The following CLIP1 variants were observed in gnomAD, a reference collection of about 807,000 sequenced individuals.
CLIP1 encodes CAP-Gly domain-containing linker protein 1.
Under a neutral mutation model 161.6 loss-of-function variants are expected in CLIP1, and 66 were observed. That is an observed-to-expected ratio of 0.41 (90% CI 0.33 to 0.50). CLIP1 has a LOEUF of 0.50. Among genes scored for constraint, CLIP1 ranks in the 20% least tolerant of loss-of-function variants. CLIP1 has a pLI of 0.27. For missense variants in CLIP1, 1,376 were observed against 1,702.0 expected (o/e 0.81, Z 3.37); for synonymous variants, 598 against 626.2 (o/e 0.96, Z 0.67).
intron 20 of CLIP1, among the ~76,000 whole-genome samples, chr12:122,307,168 C>T (rs573447487): frequency 6.6e-6 from 1 of 151,974 alleles, no homozygotes; most frequent in Non-Finnish European, 1.5e-5. Flanking sequence ...GCCACCATGC[C>T]TGGTTAATTT....
chr12:122,329,022 AAAAT>A (rs771876418), intron 15 of CLIP1, among the ~76,000 whole-genome samples: 1 of 152,210 alleles, frequency 6.6e-6, no homozygotes, highest in African/African-American at 2.4e-5. Flanking sequence ...AAATGAGTGA[AAAAT>A]AAACTTATTA....
intron 7 of CLIP1, 151 bp downstream of exon 7, chr12:122,354,302 G>C: frequency 2.0e-6 from 1 of 504,600 alleles, no homozygotes; most frequent in Non-Finnish European, 3.6e-6. Context: ...GGCTGAGGCA[G>C]GAGAATTGCT....
intron 20 of CLIP1, among the ~76,000 whole-genome samples, chr12:122,293,690 C>T (rs565384047): frequency 7.2e-5 from 11 of 152,034 alleles, no homozygotes; most frequent in African/African-American, 1.7e-4. Flanking sequence ...GTTGATCAGG[C>T]TGGTCTCGAA....
intron 15 of CLIP1, among the ~76,000 whole-genome samples, chr12:122,329,705 A>C (rs957558116): frequency 2.6e-5 from 4 of 152,140 alleles, no homozygotes; most frequent in African/African-American, 9.7e-5. Context: ...AAATTTTAGC[A>C]GACTAGATTA....
At chr12:122,356,150 T>C (rs1390556328) in intron 5 of CLIP1, 2 of 152,212 alleles carry the variant, frequency 1.3e-5, no homozygotes, top group African/African-American at 4.8e-5. Flanking sequence ...TTTTAACCAT[T>C]TGACCTTGAC....
In CLIP1 at chr12:122,355,495, T is replaced by C; in HGVS notation, c.1006-183A>G. The stretch of plus-strand genomic sequence containing the variant: ...ACAGTGTGTGCCTTCTGTCTATAAA[T>C]CTCACAAAGAATACATCAACGTAAA... On this transcript the variant is annotated intron_variant, in intron 5 of 25. Transcript: ENST00000620786. This position sits in a 1 kb window ranked among gnomAD's most constrained non-coding sequence, Gnocchi z 4.1. 1 of 594,366 alleles carries C rather than the reference T, an allele frequency of 1.7e-6. No homozygotes were observed. Among genetic ancestry groups the C allele is most frequent in the Non-Finnish European group, 3.0e-6 (1 of 332,682 alleles). 36.8% of individuals were successfully genotyped at this position (594,366 alleles called of 1,614,324 possible).
chr12:122,410,458 CT>C (rs34639257), intron 1 of CLIP1, among the ~76,000 whole-genome samples: 47,821 of 118,786 alleles, frequency 0.4, 6,525 homozygotes, highest in Non-Finnish European at 0.45. Context: ...CACACACACA[CT>C]TTTTTTTTTT....
chr12:122,316,934 T>C, intron 18 of CLIP1, 79 bp from the exon 19 acceptor site: 2 of 883,180 alleles, frequency 2.3e-6, no homozygotes, highest in South Asian at 1.8e-5. Flanking sequence ...TTCATGAAAA[T>C]GTGTACTGAA....
Position 122,413,432 on chromosome 12 carries a change from C to T in CLIP1, c.-107+9089G>A, listed in dbSNP as rs115480784. ...ATCTGGATCTTCTGGGCCTTAACTT[C>T]GGAGAAGATATTATAAATCAAGGAC... On this transcript the variant is annotated intron_variant, in intron 1 of 25. Coordinates refer to ENST00000620786, the MANE Select transcript of CLIP1 (RefSeq NM_001247997.2). Among the ~76,000 whole-genome samples the T allele has an allele frequency of 3.7e-3, 562 of 152,192 alleles. 1 individual carries two copies. The highest frequency in any genetic ancestry group is 0.013 in the African/African-American group (530 of 41,526).
intron 1 of CLIP1, among the ~76,000 whole-genome samples, chr12:122,398,788 C>T (rs868541642): frequency 6.6e-6 from 1 of 151,720 alleles, no homozygotes; most frequent in South Asian, 2.1e-4. Context: ...GTGGGAGGAT[C>T]GCTTGAGCCC....
chr12:122,290,858 CTTTT>C (rs565095841), intron 20 of CLIP1, among the ~76,000 whole-genome samples: 12 of 148,884 alleles, frequency 8.1e-5, no homozygotes, highest in South Asian at 4.2e-4. Flanking sequence ...TTTCTTTTTT[CTTTT>C]TTTTATTTTT....
intron 12 of CLIP1, 106 bp downstream of exon 12, chr12:122,336,526 C>T: frequency 1.5e-6 from 1 of 657,946 alleles, no homozygotes; most frequent in Non-Finnish European, 2.7e-6. Context: ...GTTGAATCAA[C>T]ACTTAGAAAG....
At chr12:122,278,057 T>C (rs2271409) in intron 24 of CLIP1, 97 bp downstream of exon 24, 327,536 of 1,074,458 alleles carry the variant, frequency 0.3, 53,052 homozygotes, top group East Asian at 0.61. Context: ...AAAGACTAAA[T>C]GATACAAAAG....
intron 17 of CLIP1, among the ~76,000 whole-genome samples, chr12:122,321,782 G>A (rs1373553357): frequency 6.6e-6 from 1 of 152,178 alleles, no homozygotes; most frequent in African/African-American, 2.4e-5. Flanking sequence ...GCCTCCCAAA[G>A]TGCTGGGATT....
chr12:122,376,615 T>C (rs1954747860), intron 3 of CLIP1, among the ~76,000 whole-genome samples: 1 of 151,222 alleles, frequency 6.6e-6, no homozygotes, highest in African/African-American at 2.4e-5. Flanking sequence ...TACAGGCGCA[T>C]GCCACCATGC....
chr12:122,422,719 C>CGCCCGGCCGGCCG (rs1555289340), upstream of CLIP1: 19 of 99,420 alleles, frequency 1.9e-4, no homozygotes, highest in Non-Finnish European at 3.6e-4. Flanking sequence ...CCGCCGCGCC[C>CGCCCGGCCGGCCG]GCCCGGCCGG....
intron 3 of CLIP1, chr12:122,365,520 C>T (rs1292095137): frequency 5.9e-6 from 5 of 846,078 alleles, no homozygotes; most frequent in Non-Finnish European, 1.0e-5. Flanking sequence ...GAGCAAGGGA[C>T]CTGGGTTCAA....
Position 122,363,972 on chromosome 12 carries a change from G to A in CLIP1, c.782+11C>T, listed in dbSNP as rs544277573. 41 of 1,613,570 alleles carry A rather than the reference G, an allele frequency of 2.5e-5. No homozygotes were observed. Among genetic ancestry groups the A allele is most frequent in the South Asian group, 2.3e-4 (21 of 91,064 alleles). On this transcript the variant is annotated intron_variant, in intron 4 of 25. Transcript: ENST00000620786. ...AGAGTGACACAAGATGTTGCACAAC[G>A]CCAAACAAACCTTGTTCCAGCAACA...
chr12:122,275,510 C>G (rs2136195635), intron 24 of CLIP1: 1 of 152,198 alleles, frequency 6.6e-6, no homozygotes, highest in East Asian at 1.9e-4. Flanking sequence ...ACTCAGGAGG[C>G]TGAGGCTGGA....
Sources: allele counts gnomAD v4.1 joint callset (sites outside exome capture counted in the v4.1 genomes callset), GRCh38; gene constraint gnomAD v4.1.1; non-coding constraint Gnocchi (gnomAD v3.1); transcripts MANE v1.5; gene names NCBI Gene and HGNC (gene_info 2026-07-23, HGNC 2026-07-21).